The following CSMD1 variants were observed in gnomAD, a reference collection of about 807,000 sequenced individuals.
The protein encoded by CSMD1 is CUB and Sushi multiple domains 1, also known as CUB and sushi domain-containing protein 1.
CSMD1 carries 213 observed loss-of-function variants against 417.5 expected under a neutral mutation model. That is an observed-to-expected ratio of 0.51 (90% CI 0.46 to 0.57). The LOEUF (loss-of-function observed/expected upper bound fraction) is 0.57, where lower values mean the gene tolerates loss of function less well. Among genes scored for constraint, CSMD1 ranks in the 20% least tolerant of loss-of-function variants. CSMD1 has a pLI of 0.00. For missense variants in CSMD1, 6,923 were observed against 4,529.7 expected (o/e 1.53, Z -15.17); for synonymous variants, 2,862 against 1,736.8 (o/e 1.65, Z -16.11).
chr8:4,056,902 A>G (rs934138595), intron 3 of CSMD1, among the ~76,000 whole-genome samples: 4 of 152,198 alleles, frequency 2.6e-5, no homozygotes, highest in South Asian at 4.1e-4. Context: ...TCCATAGAGT[A>G]TATGTGCCAC....
At chr8:3,383,880 T>C (rs1248106096) in intron 18 of CSMD1, among the ~76,000 whole-genome samples, 2 of 152,116 alleles carry the variant, frequency 1.3e-5, no homozygotes, top group Non-Finnish European at 2.9e-5. Flanking sequence ...TAAGCAATAA[T>C]ATTAGATGAT....
At chr8:4,454,848 GTTTAGT>G (rs898849134) in intron 2 of CSMD1, among the ~76,000 whole-genome samples, 4 of 152,168 alleles carry the variant, frequency 2.6e-5, no homozygotes, top group East Asian at 1.9e-4. Flanking sequence ...TTTTTCCACA[GTTTAGT>G]TTTAAAGAAA....
intron 3 of CSMD1, among the ~76,000 whole-genome samples, chr8:4,128,253 T>A (rs572041067): frequency 6.6e-6 from 1 of 151,982 alleles, no homozygotes; most frequent in East Asian, 1.9e-4. Context: ...ACAGGTGCAA[T>A]CCCGTGGAGG....
intron 2 of CSMD1, among the ~76,000 whole-genome samples, chr8:4,584,808 C>T (rs1003625966): frequency 6.6e-6 from 1 of 152,144 alleles, no homozygotes. Context: ...CTAAAAATTG[C>T]TACCTGTCTC....
chr8:3,413,441 C>T (rs1255026840), intron 12 of CSMD1, among the ~76,000 whole-genome samples: 1 of 152,124 alleles, frequency 6.6e-6, no homozygotes, highest in Non-Finnish European at 1.5e-5. Flanking sequence ...TACGGCTGGC[C>T]GTGGACAGAA....
chr8:4,416,599 TAGA>T (rs1796955258), intron 3 of CSMD1, among the ~76,000 whole-genome samples: 1 of 152,074 alleles, frequency 6.6e-6, no homozygotes, highest in Non-Finnish European at 1.5e-5. Context: ...TATTATAAAA[TAGA>T]AGAATTCCTT....
At chr8:3,208,420 C>T (rs1165506222) in intron 30 of CSMD1, among the ~76,000 whole-genome samples, 1 of 152,148 alleles carries the variant, frequency 6.6e-6, no homozygotes, top group Non-Finnish European at 1.5e-5. Context: ...GTGCACACCA[C>T]CACACACAGC....
At position 2,955,874 on chromosome 8, in the gene CSMD1, A is replaced by G. The variant is rs545940567; in HGVS notation, c.9815-106T>C. 568 of 836,254 alleles carry G rather than the reference A, an allele frequency of 6.8e-4. 2 individuals are homozygous for G. The highest frequency in any genetic ancestry group is 7.3e-4 in the Non-Finnish European group (383 of 528,134). 51.8% of individuals were successfully genotyped at this position (836,254 alleles called of 1,614,324 possible). A position where few individuals can be genotyped will look rare whatever the true frequency, so the allele number is the denominator to read the frequency against. ...TAGTTTGGAAATGGTTATGCAGTCAATATGTATATATACATATATATACAC... is the reference window on the plus strand; with the variant it reads ...TAGTTTGGAAATGGTTATGCAGTCAGTATGTATATATACATATATATACAC... On this transcript the variant is annotated intron_variant, in intron 63 of 69. Transcript: ENST00000635120.
chr8:4,680,950 A>ATGTGTGTGTGTG (rs71209112), intron 1 of CSMD1, among the ~76,000 whole-genome samples: 395 of 144,432 alleles, frequency 2.7e-3, no homozygotes, highest in Middle Eastern at 0.019. Context: ...ATCTATATTG[A>ATGTGTGTGTGTG]TGTGTGTGTG....
At chr8:4,675,716 A>G (rs989380831) in intron 1 of CSMD1, among the ~76,000 whole-genome samples, 3 of 152,138 alleles carry the variant, frequency 2.0e-5, no homozygotes, top group Non-Finnish European at 2.9e-5. Context: ...TTTTTTTTGC[A>G]TATTTTCCCT....
At chr8:4,727,945 T>C (rs1393094073) in intron 1 of CSMD1, among the ~76,000 whole-genome samples, 1 of 88,688 alleles carries the variant, frequency 1.1e-5, no homozygotes, top group Non-Finnish European at 2.2e-5. Flanking sequence ...ATATACAAAA[T>C]ATATATATGT....
chr8:3,230,239 C>A lies in CSMD1; in HGVS notation c.4154-8G>T. 6.4e-7 allele frequency: 1 copy of A among 1,561,500 alleles called. No homozygotes were observed. Among genetic ancestry groups the A allele is most frequent in the Non-Finnish European group, 8.7e-7 (1 of 1,151,246 alleles). On this transcript the variant is annotated splice_polypyrimidine_tract_variant and splice_region_variant and intron_variant, in intron 26 of 69. Coordinates refer to ENST00000635120, the MANE Select transcript of CSMD1 (RefSeq NM_033225.6). ...AGGTGGCTGCAATTGAGGCTGCAAACAAAAGAGAAGGCAAGGTCACAGGCT... is the reference window on the plus strand; with the variant it reads ...AGGTGGCTGCAATTGAGGCTGCAAAAAAAAGAGAAGGCAAGGTCACAGGCT...
intron 50 of CSMD1, among the ~76,000 whole-genome samples, chr8:3,035,783 G>T (rs1298707159): frequency 6.6e-6 from 1 of 152,142 alleles, no homozygotes; most frequent in Non-Finnish European, 1.5e-5. Context: ...AAACATAAGG[G>T]TTTAGCTGGC....
intron 10 of CSMD1, among the ~76,000 whole-genome samples, chr8:3,547,160 G>A (rs1009301432): frequency 1.3e-5 from 2 of 152,176 alleles, no homozygotes; most frequent in African/African-American, 2.4e-5. Context: ...TCTGGGCTTG[G>A]CAAAGATGAA....
At position 3,292,197 on chromosome 8, in the gene CSMD1, T is replaced by G. The variant is rs554091759; in HGVS notation, c.3951-7851A>C. On this transcript the variant is annotated intron_variant, in intron 25 of 69. Coordinates refer to ENST00000635120, the MANE Select transcript of CSMD1 (RefSeq NM_033225.6). ...TTGCACTGTGGTCTGAGAGACAGTTTGTTGTAATTTCTGTTCCTTTACATT... is the reference window on the plus strand; with the variant it reads ...TTGCACTGTGGTCTGAGAGACAGTTGGTTGTAATTTCTGTTCCTTTACATT... 2.6e-5 allele frequency among the ~76,000 whole-genome samples: 4 copies of G among 152,370 alleles called. No individual in the cohort carries two copies. In the East Asian group the frequency reaches 5.8e-4, roughly 22 times the overall value.
intron 7 of CSMD1, among the ~76,000 whole-genome samples, chr8:3,645,007 A>G (rs1334294449): frequency 6.9e-6 from 1 of 144,112 alleles, no homozygotes; most frequent in Non-Finnish European, 1.5e-5. Context: ...TTGTTCTTTC[A>G]AACTCGCATT....
chr8:4,535,352 T>C (rs1797051109), intron 2 of CSMD1, among the ~76,000 whole-genome samples: 1 of 152,178 alleles, frequency 6.6e-6, no homozygotes, highest in South Asian at 2.1e-4. Context: ...TTTTAGTTTA[T>C]TTATTGCTAT....
intron 6 of CSMD1, among the ~76,000 whole-genome samples, chr8:3,736,578 A>T (rs993854426): frequency 6.6e-6 from 1 of 152,088 alleles, no homozygotes; most frequent in South Asian, 2.1e-4. Context: ...CTGCCTCACC[A>T]TGGCTCCCAG....
intron 7 of CSMD1, among the ~76,000 whole-genome samples, chr8:3,688,480 T>A (rs1418405587): frequency 6.6e-6 from 1 of 152,208 alleles, no homozygotes; most frequent in African/African-American, 2.4e-5. Context: ...TGTTCCCTAA[T>A]GTCAAATGAG....
Sources: allele counts gnomAD v4.1 joint callset (sites outside exome capture counted in the v4.1 genomes callset), GRCh38; gene constraint gnomAD v4.1.1; transcripts MANE v1.5; gene names NCBI Gene and HGNC (gene_info 2026-07-23, HGNC 2026-07-21).